Variants in RAI1 observed in about 807,000 individuals in gnomAD.
RAI1 encodes retinoic acid induced 1.
RAI1 carries 9 observed loss-of-function variants against 123.8 expected under a neutral mutation model. The ratio of observed to expected loss-of-function variants is 0.07; its 90% CI spans 0.04 to 0.13. The LOEUF is 0.13. Ranked by LOEUF, RAI1 falls within the 10% of genes least tolerant of loss-of-function variation. The pLI is 1.00. For missense variants in RAI1, 2,256 were observed against 2,545.8 expected (o/e 0.89, Z 2.45); for synonymous variants, 1,231 against 1,127.3 (o/e 1.09, Z -1.84).
rs149495343 is a variant in RAI1 at position 17,794,802 on chromosome 17, C to T, written c.1854C>T (p.Ile618=). 127 of 1,612,974 alleles carry T rather than the reference C, an allele frequency of 7.9e-5. No homozygotes were observed. Among genetic ancestry groups the T allele is most frequent in the Non-Finnish European group, 1.0e-4 (118 of 1,180,024 alleles). ...ASEILGLQEA[I]GEKADKAWAE... is the part of the protein sequence containing the mutation. ...AGATCCTGGGGCTGCAGGAAGCCAT[C>T]GGTGAGAAGGCCGACAAAGCTTGGG... The change falls in exon 3 of 6, where the codon ATC becomes ATT. Residue 618 remains isoleucine (I), a synonymous_variant. Coordinates refer to ENST00000353383, the MANE Select transcript of RAI1 (RefSeq NM_030665.4).
At chr17:17,773,801 C>T (rs528440578) in intron 2 of RAI1, among the ~76,000 whole-genome samples, 2 of 152,310 alleles carry the variant, frequency 1.3e-5, no homozygotes, top group Admixed American at 6.5e-5. Flanking sequence ...CCTTCTTCCC[C>T]TGGCCAAAGC....
Position 17,798,358 on chromosome 17 carries a change from A to G in RAI1, c.5410A>G (p.Lys1804Glu). 1 of 1,607,104 alleles carries G rather than the reference A, an allele frequency of 6.2e-7. No individual in the cohort carries two copies. Among genetic ancestry groups the G allele is most frequent in the South Asian group, 1.1e-5 (1 of 90,314 alleles). ...EEAAPADKGR[K>E]HECSKEAPAE... The stretch of plus-strand genomic sequence containing the variant: ...GGCAGCCCCAGCCGACAAGGGTCGC[A>G]AACATGAGTGCAGCAAGGAGGCTCC... Residue 1804 changes from lysine (K) to glutamate (E), a missense_variant, in exon 3 of 6, where the codon AAA becomes GAA. This residue lies in a region of RAI1 where 243 missense variants were observed against 316.6 expected (regional missense o/e 0.77). Transcript: ENST00000353383.
intron 3 of RAI1, among the ~76,000 whole-genome samples, chr17:17,803,287 G>A (rs1469597342): frequency 6.6e-6 from 1 of 152,160 alleles, no homozygotes; most frequent in African/African-American, 2.4e-5. Flanking sequence ...GTGTACCCCA[G>A]TGCTGAACCT....
chr17:17,730,224 C>A (rs1377523546), intron 2 of RAI1, among the ~76,000 whole-genome samples: 6 of 152,252 alleles, frequency 3.9e-5, no homozygotes. Flanking sequence ...CCCCTTCCTG[C>A]CCTTCCCAGG....
intron 2 of RAI1, among the ~76,000 whole-genome samples, chr17:17,767,948 G>A (rs1377348270): frequency 1.3e-5 from 2 of 152,148 alleles, no homozygotes; most frequent in African/African-American, 2.4e-5. Context: ...TCGTGATCCT[G>A]GGCAAATGAC....
chr17:17,798,392 C>T lies in RAI1; in HGVS notation c.5444C>T (p.Pro1815Leu). The change falls in exon 3 of 6, where the codon CCC becomes CTC. Residue 1815 changes from proline to leucine, a missense_variant. Pro to Leu is a moderately conservative substitution (Grantham distance 98). Transcript: ENST00000353383. ...HECSKEAPAE[P>L]GGEAQEHWVH... The stretch of plus-strand genomic sequence containing the variant: ...TGCAGCAAGGAGGCTCCGGCAGAGC[C>T]CGGCGGGGAGGCCCAGGAGCACTGG... 1.2e-6 allele frequency: 2 copies of T among 1,610,190 alleles called. No individual in the cohort carries two copies. Among genetic ancestry groups the T allele is most frequent in the Non-Finnish European group, 1.7e-6 (2 of 1,178,780 alleles).
intron 2 of RAI1, chr17:17,777,339 G>A (rs2031382561): frequency 6.6e-6 from 1 of 152,214 alleles, no homozygotes; most frequent in Non-Finnish European, 1.5e-5. Flanking sequence ...CCAAACAGCT[G>A]CTTCCCTTAC....
chr17:17,810,056 C>T lies in RAI1; in HGVS notation c.*75C>T. On this transcript the variant is annotated 3_prime_UTR_variant, in exon 6 of 6. Coordinates refer to ENST00000353383, the MANE Select transcript of RAI1 (RefSeq NM_030665.4). The surrounding 1 kb of genome is among the most constrained non-coding windows in gnomAD (Gnocchi z 4.6). The stretch of plus-strand genomic sequence containing the variant: ...GCCGCCGAAGGAGAGGAGCCGCCTG[C>T]GCAGCCCCCGGGCCTTTGAGCTGCT... The T allele has an allele frequency of 6.5e-7, 1 of 1,532,726 alleles. No individual in the cohort carries two copies. The highest frequency in any genetic ancestry group is 1.2e-5 in the South Asian group (1 of 83,076). 94.9% of individuals were successfully genotyped at this position (1,532,726 alleles called of 1,614,324 possible). A position where few individuals can be genotyped will look rare whatever the true frequency, so the allele number is the denominator to read the frequency against.
At chr17:17,782,634 C>T (rs1439156491) in intron 2 of RAI1, among the ~76,000 whole-genome samples, 1 of 141,468 alleles carries the variant, frequency 7.1e-6, no homozygotes, top group Non-Finnish European at 1.5e-5. Flanking sequence ...GTTGGGGGGG[C>T]GACGAGGACC....
rs1598097056 is a variant in RAI1, at chr17:17,801,311, C to T, written c.5566-2445C>T. On this transcript the variant is annotated intron_variant, in intron 3 of 5. Coordinates refer to ENST00000353383, the MANE Select transcript of RAI1 (RefSeq NM_030665.4). The surrounding 1 kb of genome is among the most constrained non-coding windows in gnomAD (Gnocchi z 4.1). ...CTAGGTGGTGTCTGCAGAGGCCCCA[C>T]CTGTGGCAGGGTTTACATGCCGCCA... 6.6e-6 allele frequency among the ~76,000 whole-genome samples: 1 copy of T among 152,250 alleles called. No homozygotes were observed.
intron 2 of RAI1, among the ~76,000 whole-genome samples, chr17:17,749,866 AAGT>A (rs1441097780): frequency 6.6e-6 from 1 of 152,222 alleles, no homozygotes; most frequent in Non-Finnish European, 1.5e-5. Flanking sequence ...GGGCCTCATT[AAGT>A]ATTTATTGAA....
intron 2 of RAI1, among the ~76,000 whole-genome samples, chr17:17,725,569 C>G (rs1000769736): frequency 6.6e-6 from 1 of 152,120 alleles, no homozygotes; most frequent in African/African-American, 2.4e-5. Context: ...CTTCCCGGCA[C>G]GCAGAAGCCC....
chr17:17,704,480 C>T (rs919463165), intron 1 of RAI1, among the ~76,000 whole-genome samples: 1 of 152,142 alleles, frequency 6.6e-6, no homozygotes, highest in Non-Finnish European at 1.5e-5. Flanking sequence ...CCTTAACCAC[C>T]AGCCAGCCTC....
At chr17:17,736,301 C>G (rs1916430866) in intron 2 of RAI1, among the ~76,000 whole-genome samples, 1 of 152,172 alleles carries the variant, frequency 6.6e-6, no homozygotes. Context: ...CAGGTCAGAC[C>G]TGGGAGGCTC....
intron 2 of RAI1, among the ~76,000 whole-genome samples, chr17:17,773,831 C>A (rs142218965): frequency 3.5e-4 from 53 of 152,218 alleles, no homozygotes; most frequent in Non-Finnish European, 5.6e-4. Context: ...AAACTGAGTT[C>A]GAAGTTTCCA....
chr17:17,784,390 A>G (rs1298721976), intron 2 of RAI1, among the ~76,000 whole-genome samples: 2 of 152,216 alleles, frequency 1.3e-5, no homozygotes, highest in African/African-American at 4.8e-5. Context: ...CGTATCCAGG[A>G]GGGAGACCTT....
chr17:17,752,345 G>GGTGAGCGGA (rs2030218766), intron 2 of RAI1, among the ~76,000 whole-genome samples: 1 of 152,214 alleles, frequency 6.6e-6, no homozygotes, highest in African/African-American at 2.4e-5. Flanking sequence ...GGCGGGGCGG[G>GGTGAGCGGA]GTGAGCGGAA....
chr17:17,714,778 C>T lies in RAI1; in HGVS notation c.-148-9250C>T, dbSNP rs1300185287. Among the ~76,000 whole-genome samples the T allele has an allele frequency of 6.6e-6, 1 of 152,156 alleles. No homozygotes were observed. Among genetic ancestry groups the T allele is most frequent in the African/African-American group, 2.4e-5 (1 of 41,432 alleles). ...GGAAATCCTGGTTGTGGGCTGAGCT[C>T]GGGCCATCCACTTGTCGTGGTGGGT... On this transcript the variant is annotated intron_variant, in intron 1 of 5. Coordinates refer to ENST00000353383, the MANE Select transcript of RAI1 (RefSeq NM_030665.4). The surrounding 1 kb of genome is among the most constrained non-coding windows in gnomAD (Gnocchi z 4.9).
At chr17:17,786,686 CTG>C (rs1181561168) in intron 2 of RAI1, among the ~76,000 whole-genome samples, 24 of 152,356 alleles carry the variant, frequency 1.6e-4, no homozygotes, top group African/African-American at 5.3e-4. Flanking sequence ...CTTGACACCT[CTG>C]TGTTTCCACT....
Sources: allele counts gnomAD v4.1 joint callset (sites outside exome capture counted in the v4.1 genomes callset), GRCh38; gene constraint gnomAD v4.1.1; regional missense constraint gnomAD v4.1.1; non-coding constraint Gnocchi (gnomAD v3.1); transcripts MANE v1.5; gene names NCBI Gene and HGNC (gene_info 2026-07-23, HGNC 2026-07-21).